The following PRKG1 variants were observed in gnomAD, a reference collection of about 807,000 sequenced individuals.
The protein encoded by PRKG1 is protein kinase cGMP-dependent 1, also known as cGMP-dependent protein kinase 1.
PRKG1 carries 35 observed loss-of-function variants against 88.1 expected under a neutral mutation model. That is an observed-to-expected ratio of 0.40 (90% confidence interval 0.30 to 0.53). PRKG1 has a LOEUF of 0.53. Among genes scored for constraint, PRKG1 ranks in the 20% least tolerant of loss-of-function variants. The pLI is 0.59. For missense variants in PRKG1, 540 were observed against 839.8 expected (o/e 0.64, Z 4.41); for synonymous variants, 303 against 292.5 (o/e 1.04, Z -0.37).
chr10:51,287,372 G>A (rs1840469288), intron 2 of PRKG1, among the ~76,000 whole-genome samples: 1 of 152,140 alleles, frequency 6.6e-6, no homozygotes, highest in African/African-American at 2.4e-5. Context: ...AATTTGAGAA[G>A]ATACCTGTGT....
chr10:51,144,900 A>AG (rs1343314241), intron 1 of PRKG1, among the ~76,000 whole-genome samples: 2 of 152,190 alleles, frequency 1.3e-5, no homozygotes, highest in African/African-American at 4.8e-5. Context: ...CTTTGGGATA[A>AG]GGGGGTGATA....
chr10:51,682,364 A>T (rs1467531549), intron 3 of PRKG1, among the ~76,000 whole-genome samples: 1 of 152,084 alleles, frequency 6.6e-6, no homozygotes, highest in Non-Finnish European at 1.5e-5. Flanking sequence ...CACAGCCCAG[A>T]CCTCTCTAAT....
intron 2 of PRKG1, among the ~76,000 whole-genome samples, chr10:51,173,622 T>C (rs912656170): frequency 2.0e-5 from 3 of 151,938 alleles, no homozygotes; most frequent in African/African-American, 4.8e-5. Flanking sequence ...ATGTTTAGCT[T>C]TCGATGTCTT....
intron 2 of PRKG1, among the ~76,000 whole-genome samples, chr10:51,413,107 G>C (rs1007986639): frequency 6.6e-6 from 1 of 152,200 alleles, no homozygotes; most frequent in Non-Finnish European, 1.5e-5. Flanking sequence ...GAAATGTTAA[G>C]ATTGTTCCTA....
intron 3 of PRKG1, among the ~76,000 whole-genome samples, chr10:51,491,103 G>A (rs1434504173): frequency 1.3e-5 from 2 of 151,990 alleles, no homozygotes; most frequent in Non-Finnish European, 2.9e-5. Flanking sequence ...TGAGATCCAG[G>A]AAGACTTTGA....
intron 2 of PRKG1, among the ~76,000 whole-genome samples, chr10:51,275,440 T>G (rs1376140205): frequency 6.6e-6 from 1 of 152,228 alleles, no homozygotes; most frequent in Admixed American, 6.5e-5. Context: ...TTGGAAAATG[T>G]CTTTGCACAT....
intron 3 of PRKG1, among the ~76,000 whole-genome samples, chr10:51,524,237 G>T (rs1415697353): frequency 6.6e-6 from 1 of 152,062 alleles, no homozygotes; most frequent in East Asian, 1.9e-4. Context: ...TCTTTATTAT[G>T]CAATCTCACG....
In PRKG1 at chr10:51,467,852, T is replaced by C; in HGVS notation, c.592+16T>C. 2 of 1,583,722 alleles carry C rather than the reference T, an allele frequency of 1.3e-6. No homozygotes were observed. The highest frequency in any genetic ancestry group is 1.7e-6 in the Non-Finnish European group (2 of 1,152,754). Reference sequence around the variant, plus strand: ...ACCGTCAAGAGTAAGACTATTTTCATATTTTTAAAATATTTTCAATGTCTT... The same window carrying C: ...ACCGTCAAGAGTAAGACTATTTTCACATTTTTAAAATATTTTCAATGTCTT... On this transcript the variant is annotated intron_variant, in intron 3 of 17. Transcript: ENST00000373980.
chr10:51,337,703 C>T (rs1184353531), intron 2 of PRKG1, among the ~76,000 whole-genome samples: 2 of 152,108 alleles, frequency 1.3e-5, no homozygotes, highest in Admixed American at 1.3e-4. Context: ...CGATGAGATA[C>T]CGTCTCATGC....
At chr10:51,559,332 C>T (rs965289615) in intron 3 of PRKG1, among the ~76,000 whole-genome samples, 12 of 152,032 alleles carry the variant, frequency 7.9e-5, no homozygotes, top group African/African-American at 2.9e-4. Context: ...TTCCCTGGCT[C>T]CTCATATTCC....
intron 3 of PRKG1, among the ~76,000 whole-genome samples, chr10:51,780,370 G>A (rs539586364): frequency 6.6e-6 from 1 of 152,176 alleles, no homozygotes; most frequent in Admixed American, 6.6e-5. Flanking sequence ...ATACAATTTG[G>A]ATGCTGAACA....
At chr10:52,184,776 C>G (rs1839142182) in intron 9 of PRKG1, 1 of 152,182 alleles carries the variant, frequency 6.6e-6, no homozygotes, top group Non-Finnish European at 1.5e-5. Flanking sequence ...AAGGAGCAGG[C>G]ATATCACATG....
At chr10:52,256,150 C>T (rs564914519) in intron 10 of PRKG1, among the ~76,000 whole-genome samples, 2 of 139,444 alleles carry the variant, frequency 1.4e-5, no homozygotes, top group South Asian at 4.6e-4. Flanking sequence ...CCATCAACAA[C>T]CACCCCCAAA....
In PRKG1 at chr10:51,399,929, G is replaced by A. The variant is rs181092215; in HGVS notation, c.479-67794G>A. Among the ~76,000 whole-genome samples, 403 of 152,264 alleles carry A rather than the reference G, an allele frequency of 2.6e-3. 1 individual carries two copies. The highest frequency in any genetic ancestry group is 3.6e-3 in the Non-Finnish European group (242 of 68,022). ...CTCCTCATTGGGCAGGATCCACAGCGTAATTTTGGCTGTAGGAGTTCTGGC... is the reference window on the plus strand; with the variant it reads ...CTCCTCATTGGGCAGGATCCACAGCATAATTTTGGCTGTAGGAGTTCTGGC... On this transcript the variant is annotated intron_variant, in intron 2 of 17. Transcript: ENST00000373980.
In PRKG1 at chr10:51,216,193, C is replaced by T. The variant is rs753971947; in HGVS notation, c.478+62863C>T. ...ATGTAAACCCCATCCCCAAAGAATTCCCACTGTAGCAGAGGATGGAAGTCT... is the reference window on the plus strand; with the variant it reads ...ATGTAAACCCCATCCCCAAAGAATTTCCACTGTAGCAGAGGATGGAAGTCT... On this transcript the variant is annotated intron_variant, in intron 2 of 17. Coordinates refer to ENST00000373980, the MANE Select transcript of PRKG1 (RefSeq NM_006258.4). Among the ~76,000 whole-genome samples, 8 of 152,156 alleles carry T rather than the reference C, an allele frequency of 5.3e-5. 1 individual carries two copies. The South Asian group carries it at 1.2e-3, about 24-fold the overall frequency.
At chr10:51,737,752 TA>T (rs1211134247) in intron 3 of PRKG1, among the ~76,000 whole-genome samples, 4 of 109,474 alleles carry the variant, frequency 3.7e-5, no homozygotes, top group African/African-American at 1.3e-4. Flanking sequence ...TTATTATTAT[TA>T]TTATTATTAT....
intron 7 of PRKG1, among the ~76,000 whole-genome samples, chr10:52,072,142 A>G (rs11000699): frequency 0.19 from 23,598 of 121,072 alleles, 2,578 homozygotes; most frequent in South Asian, 0.31. Context: ...TGAGACTCTC[A>G]GGGTTTATTG....
At chr10:52,140,601 T>C (rs1837552591) in intron 8 of PRKG1, among the ~76,000 whole-genome samples, 1 of 152,170 alleles carries the variant, frequency 6.6e-6, no homozygotes, top group Non-Finnish European at 1.5e-5. Flanking sequence ...AATTAGAGAT[T>C]AAAATGGTTC....
intron 4 of PRKG1, among the ~76,000 whole-genome samples, chr10:51,845,048 C>T (rs1338567336): frequency 6.6e-6 from 1 of 152,034 alleles, no homozygotes; most frequent in Non-Finnish European, 1.5e-5. Context: ...TCTAAATTGG[C>T]TTTATGTAGA....
Sources: allele counts gnomAD v4.1 joint callset (sites outside exome capture counted in the v4.1 genomes callset), GRCh38; gene constraint gnomAD v4.1.1; transcripts MANE v1.5; gene names NCBI Gene and HGNC (gene_info 2026-07-23, HGNC 2026-07-21).